The following ZC2HC1A variants were observed in gnomAD, a reference collection of about 807,000 sequenced individuals.
ZC2HC1A encodes zinc finger C2HC-type containing 1A, also known as zinc finger C2HC domain-containing protein 1A.
Under a neutral mutation model 40.7 loss-of-function variants are expected in ZC2HC1A, and 28 were observed. The observed-to-expected ratio is 0.69, with a 90% CI of 0.51 to 0.94. ZC2HC1A has a LOEUF of 0.94. Ranked by LOEUF, ZC2HC1A falls within the 40% of genes least tolerant of loss-of-function variation. ZC2HC1A has a pLI of 0.00. For missense variants in ZC2HC1A, 389 were observed against 386.3 expected (o/e 1.01, Z -0.06); for synonymous variants, 129 against 129.2 (o/e 1.00, Z 0.01).
intron 7 of ZC2HC1A, among the ~76,000 whole-genome samples, chr8:78,712,587 A>T (rs1810984939): frequency 1.3e-5 from 2 of 152,160 alleles, no homozygotes; most frequent in South Asian, 4.1e-4. Flanking sequence ...TTTTTGTTAG[A>T]TGGTTGTAAA....
intron 1 of ZC2HC1A, 59 bp downstream of exon 1, chr8:78,666,223 C>A: frequency 1.3e-6 from 2 of 1,555,338 alleles, no homozygotes; most frequent in Admixed American, 3.9e-5. Context: ...CAGCTGGGGA[C>A]CCTGGACACC....
intron 8 of ZC2HC1A, 74 bp from the exon 9 acceptor site, chr8:78,717,254 C>G: frequency 7.4e-7 from 1 of 1,346,552 alleles, no homozygotes; most frequent in East Asian, 2.4e-5. Context: ...TATTTATGTC[C>G]TGTTTCTCCA....
In ZC2HC1A at chr8:78,709,176, A is replaced by G. The variant is rs368459953; in HGVS notation, c.705-6045A>G. 3.9e-5 allele frequency among the ~76,000 whole-genome samples: 6 copies of G among 152,320 alleles called. No homozygotes were observed. The East Asian group carries it at 5.8e-4, about 15-fold the overall frequency. ...TCCTTTTAGTTACTATGAAAAGCAC[A>G]TTTACTTTGGAGAGCAACTGTAATA... On this transcript the variant is annotated intron_variant, in intron 7 of 8. Coordinates refer to ENST00000263849, the MANE Select transcript of ZC2HC1A (RefSeq NM_016010.3).
chr8:78,687,671 C>T (rs1210600559), intron 4 of ZC2HC1A, among the ~76,000 whole-genome samples: 17 of 104,720 alleles, frequency 1.6e-4, no homozygotes, highest in African/African-American at 6.6e-4. Context: ...TATATATTTA[C>T]GTAATACATT....
chr8:78,712,665 G>A (rs1586031667), intron 7 of ZC2HC1A, among the ~76,000 whole-genome samples: 2 of 152,240 alleles, frequency 1.3e-5, no homozygotes, highest in South Asian at 4.1e-4. Context: ...GTATGACACA[G>A]CCAGTTCTGA....
chr8:78,671,678 T>C (rs1200138730), intron 1 of ZC2HC1A, among the ~76,000 whole-genome samples: 2 of 152,044 alleles, frequency 1.3e-5, no homozygotes, highest in Non-Finnish European at 2.9e-5. Context: ...GATTATCATA[T>C]ATTTCTTTCT....
intron 3 of ZC2HC1A, among the ~76,000 whole-genome samples, chr8:78,686,117 T>C (rs577073378): frequency 3.3e-5 from 5 of 152,278 alleles, no homozygotes; most frequent in African/African-American, 9.6e-5. Flanking sequence ...CTTTCAGATG[T>C]CCCCACCTCG....
intron 2 of ZC2HC1A, among the ~76,000 whole-genome samples, chr8:78,676,466 GCTAA>G: frequency 6.6e-6 from 1 of 151,932 alleles, no homozygotes; most frequent in Non-Finnish European, 1.5e-5. Flanking sequence ...AATAAAGTTA[GCTAA>G]CTAAATAGGG....
At chr8:78,703,340 T>C (rs1467412675) in intron 7 of ZC2HC1A, among the ~76,000 whole-genome samples, 1 of 152,216 alleles carries the variant, frequency 6.6e-6, no homozygotes, top group Non-Finnish European at 1.5e-5. Flanking sequence ...GTTAATTATC[T>C]GTCTTGATAA....
At chr8:78,670,878 G>C (rs1809422492) in intron 1 of ZC2HC1A, among the ~76,000 whole-genome samples, 1 of 152,168 alleles carries the variant, frequency 6.6e-6, no homozygotes, top group South Asian at 2.1e-4. Flanking sequence ...ACTCTTCTAG[G>C]ATGAGCTGAA....
At chr8:78,674,919 A>G (rs1809531426) in intron 1 of ZC2HC1A, among the ~76,000 whole-genome samples, 2 of 152,102 alleles carry the variant, frequency 1.3e-5, no homozygotes, top group East Asian at 1.9e-4. Context: ...TAAAATATTC[A>G]GCAGAAACTA....
chr8:78,700,330 G>A (rs1290423901), intron 7 of ZC2HC1A, among the ~76,000 whole-genome samples: 1 of 151,424 alleles, frequency 6.6e-6, no homozygotes, highest in African/African-American at 2.4e-5. Flanking sequence ...TTTTTTTCTT[G>A]TAAGTTTCTT....
intron 2 of ZC2HC1A, 30 bp from the exon 3 acceptor site, chr8:78,678,533 A>G (rs374640657): frequency 1.9e-6 from 3 of 1,552,792 alleles, no homozygotes; most frequent in African/African-American, 2.8e-5. Context: ...AGAAAAGAAA[A>G]TGATAGGCTG....
At chr8:78,686,098 C>T (rs967927403) in intron 3 of ZC2HC1A, among the ~76,000 whole-genome samples, 6 of 152,118 alleles carry the variant, frequency 3.9e-5, no homozygotes, top group Non-Finnish European at 8.8e-5. Flanking sequence ...ACCATAATGA[C>T]TTAATCACCT....
At chr8:78,667,468 T>A (rs931316962) in intron 1 of ZC2HC1A, among the ~76,000 whole-genome samples, 5 of 152,210 alleles carry the variant, frequency 3.3e-5, no homozygotes, top group Non-Finnish European at 7.3e-5. Flanking sequence ...CATGAGATTA[T>A]CATATATAAT....
At chr8:78,687,426 A>G (rs569698312) in intron 4 of ZC2HC1A, among the ~76,000 whole-genome samples, 75 of 148,188 alleles carry the variant, frequency 5.1e-4, no homozygotes, top group Middle Eastern at 3.8e-3. Flanking sequence ...TAAGGTTTCT[A>G]TTGCAACAAA....
intron 1 of ZC2HC1A, among the ~76,000 whole-genome samples, chr8:78,673,536 T>C (rs1191500264): frequency 6.6e-6 from 1 of 152,186 alleles, no homozygotes; most frequent in Non-Finnish European, 1.5e-5. Context: ...CTACCAACAG[T>C]GTAAAAGTGT....
intron 2 of ZC2HC1A, 21 bp from the exon 3 acceptor site, chr8:78,678,542 T>G: frequency 6.4e-7 from 1 of 1,573,522 alleles, no homozygotes; most frequent in South Asian, 1.2e-5. Flanking sequence ...AATGATAGGC[T>G]GCATTTCTTT....
At chr8:78,703,809 T>C (rs962608834) in intron 7 of ZC2HC1A, among the ~76,000 whole-genome samples, 6 of 152,134 alleles carry the variant, frequency 3.9e-5, no homozygotes, top group Non-Finnish European at 8.8e-5. Context: ...GTGTGTGGAT[T>C]TGATTGTCAT....
Sources: allele counts gnomAD v4.1 joint callset (sites outside exome capture counted in the v4.1 genomes callset), GRCh38; gene constraint gnomAD v4.1.1; transcripts MANE v1.5; gene names NCBI Gene and HGNC (gene_info 2026-07-23, HGNC 2026-07-21).